ZSCAN31: variants seen among roughly 807,000 people sequenced by gnomAD.
The protein encoded by ZSCAN31 is zinc finger and SCAN domain containing 31, also known as zinc finger and SCAN domain-containing protein 31.
Under a neutral mutation model 22.5 loss-of-function variants are expected in ZSCAN31, and 14 were observed. That is an observed-to-expected ratio of 0.62 (90% confidence interval 0.41 to 0.97). The LOEUF (loss-of-function observed/expected upper bound fraction) is 0.97, where lower values mean the gene tolerates loss of function less well. Ranked by LOEUF, ZSCAN31 falls within the 50% of genes least tolerant of loss-of-function variation. The pLI is 0.00. For missense variants in ZSCAN31, 424 were observed against 483.4 expected, an observed-to-expected ratio of 0.88 and a Z score of 1.15; for synonymous variants, 168 against 169.8, an observed-to-expected ratio of 0.99 and a Z score of 0.08.
rs545597879 is a variant in ZSCAN31 at position 28,333,642 on chromosome 6, G to C, written c.-96+2440C>G. 6.6e-6 allele frequency among the ~76,000 whole-genome samples: 1 copy of C among 152,114 alleles called. No individual in the cohort carries two copies. The highest frequency in any genetic ancestry group is 1.5e-5 in the Non-Finnish European group (1 of 68,012). On this transcript the variant is annotated intron_variant, in intron 1 of 3. Transcript: ENST00000344279. The surrounding 1 kb of genome is among the most constrained non-coding windows in gnomAD (Gnocchi z 4.1). ...AGTGAGCCATACAGAATAGGGATGA[G>C]GGAGGGGAAGAGCACTCTGGACTAT...
At position 28,325,651 on chromosome 6, in the gene ZSCAN31, T is replaced by C. The variant is rs1763208720; in HGVS notation, c.*515A>G. 6.5e-6 allele frequency: 1 copy of C among 152,872 alleles called. No homozygotes were observed. Among genetic ancestry groups the C allele is most frequent in the South Asian group, 2.1e-4 (1 of 4,870 alleles). 9.5% of individuals were successfully genotyped at this position (152,872 alleles called of 1,614,324 possible). On this transcript the variant is annotated 3_prime_UTR_variant, in exon 4 of 4. Coordinates refer to ENST00000344279, the MANE Select transcript of ZSCAN31 (RefSeq NM_030899.5). ...CCATAGCAATGATTTCCTGTGGGAATGTGGACGATTCTTATTCCCCAAAAC... is the reference window on the plus strand; with the variant it reads ...CCATAGCAATGATTTCCTGTGGGAACGTGGACGATTCTTATTCCCCAAAAC...
chr6:28,342,023 G>C (rs1394663974), intron 2 of ZSCAN31, among the ~76,000 whole-genome samples: 1 of 152,144 alleles, frequency 6.6e-6, no homozygotes, highest in Non-Finnish European at 1.5e-5. Context: ...GAGGACCACA[G>C]ATGCATTGGA....
intron 1 of ZSCAN31, chr6:28,335,219 A>G (rs1379567624): frequency 6.6e-6 from 1 of 152,244 alleles, no homozygotes; most frequent in Non-Finnish European, 1.5e-5. Context: ...CACATAACAT[A>G]AAACTAAGCC....
chr6:28,334,937 G>A (rs1764025146), intron 1 of ZSCAN31, among the ~76,000 whole-genome samples: 1 of 152,086 alleles, frequency 6.6e-6, no homozygotes, highest in South Asian at 2.1e-4. Context: ...TTATGAGGTT[G>A]GTGGTTTTTA....
chr6:28,344,402 C>T (rs748449215), intron 2 of ZSCAN31, among the ~76,000 whole-genome samples: 1 of 152,096 alleles, frequency 6.6e-6, no homozygotes. Flanking sequence ...GTGGTATGTT[C>T]AGCACTGGAC....
upstream of ZSCAN31, among the ~76,000 whole-genome samples, chr6:28,355,057 G>C (rs1408082230): frequency 1.3e-5 from 2 of 152,192 alleles, no homozygotes; most frequent in African/African-American, 4.8e-5. Context: ...TAGCACCCTG[G>C]CTAGACCTAT....
chr6:28,338,656 TATCACAAACAAA>T (rs1764294811), upstream of ZSCAN31, among the ~76,000 whole-genome samples: 10 of 152,220 alleles, frequency 6.6e-5, no homozygotes, highest in South Asian at 2.1e-3. Flanking sequence ...GTCTTCCAAA[TATCACAAACAAA>T]AATCAGAAAA....
In ZSCAN31 at chr6:28,333,360, T is replaced by C. The variant is rs2113819813; in HGVS notation, c.-96+2722A>G. 6.6e-6 allele frequency among the ~76,000 whole-genome samples: 1 copy of C among 152,338 alleles called. No homozygotes were observed. On this transcript the variant is annotated intron_variant, in intron 1 of 3. Transcript: ENST00000344279. This position sits in a 1 kb window ranked among gnomAD's most constrained non-coding sequence, Gnocchi z 4.1. ...ACTCATAACATACCAGGTACTTGGC[T>C]GGGCATTAGGGCTACAATGGTGAAA...
rs926170846 is a variant in ZSCAN31 at position 28,347,142 on chromosome 6, CTT to C, written c.-370-5352_-370-5351del. 6.6e-6 allele frequency among the ~76,000 whole-genome samples: 1 copy of C among 152,204 alleles called. No individual in the cohort carries two copies. The highest frequency in any genetic ancestry group is 2.4e-5 in the African/African-American group (1 of 41,454). ...CCTGAGAGGATCAGCTGGAGCCTCTCTTGTAACTGCACCACAGTTCAACTACT... is the reference window on the plus strand; with the variant it reads ...CCTGAGAGGATCAGCTGGAGCCTCTCGTAACTGCACCACAGTTCAACTACT... On this transcript the variant is annotated intron_variant, in intron 2 of 7. Transcript: ENST00000396838. The surrounding 1 kb of genome is among the most constrained non-coding windows in gnomAD (Gnocchi z 5.2).
intron 2 of ZSCAN31, among the ~76,000 whole-genome samples, chr6:28,346,380 A>C (rs1356573452): frequency 1.8e-5 from 2 of 108,794 alleles, no homozygotes; most frequent in Non-Finnish European, 1.7e-5. Flanking sequence ...ACTGAGTCTC[A>C]CTCTCTGTCT....
upstream of ZSCAN31, chr6:28,356,198 T>G (rs929821917): frequency 1.3e-5 from 2 of 152,238 alleles, no homozygotes; most frequent in African/African-American, 4.8e-5. Flanking sequence ...CAGGAAAGAC[T>G]TTACATTTCT....
chr6:28,353,158 G>A (rs1012681509), intron 2 of ZSCAN31, among the ~76,000 whole-genome samples: 14 of 151,806 alleles, frequency 9.2e-5, no homozygotes, highest in Admixed American at 6.6e-4. Context: ...TAGTAGAGAC[G>A]GGGTTTCACC....
chr6:28,354,109 T>C, intron 1 of ZSCAN31: 1 of 365,974 alleles, frequency 2.7e-6, no homozygotes, highest in Non-Finnish European at 5.4e-6. Context: ...CTCCTTGGCA[T>C]GCTTGTTAAT....
upstream of ZSCAN31, among the ~76,000 whole-genome samples, chr6:28,340,892 AGGG>A (rs1448512623): frequency 6.6e-6 from 1 of 151,862 alleles, no homozygotes; most frequent in Admixed American, 6.6e-5. Flanking sequence ...GTTTTTCTTT[AGGG>A]TTTGGTTTTG....
chr6:28,336,790 C>T (rs1002602466), upstream of ZSCAN31: 2 of 152,188 alleles, frequency 1.3e-5, no homozygotes, highest in African/African-American at 4.8e-5. Flanking sequence ...TAATACTTAC[C>T]TATTCTTCCC....
At chr6:28,343,326 C>T (rs1165797051) in intron 2 of ZSCAN31, among the ~76,000 whole-genome samples, 2 of 151,922 alleles carry the variant, frequency 1.3e-5, no homozygotes, top group African/African-American at 4.8e-5. Context: ...TTTTTTGCAT[C>T]CCAATGGGAG....
chr6:28,346,904 C>A (rs1212228150), intron 2 of ZSCAN31, among the ~76,000 whole-genome samples: 1 of 152,112 alleles, frequency 6.6e-6, no homozygotes, highest in Non-Finnish European at 1.5e-5. Flanking sequence ...TATAAATTTC[C>A]TCAGAAAGAA....
At position 28,326,735 on chromosome 6, in the gene ZSCAN31, C is replaced by G. The variant is rs1561905029; in HGVS notation, c.652G>C (p.Glu218Gln). The part of the protein sequence containing the change: ...RDVSLDSKYR[E>Q]TCKRDSKAEK... ...GCCTTGCTGTCTCGTTTACAAGTTT[C>G]TCTGTACTTAGAATCCAAAGATACA... The change falls in exon 4 of 4, where the codon GAA (glutamate) becomes CAA (glutamine). Residue 218 changes from glutamate (E) to glutamine (Q), a missense_variant. Glu to Gln is a conservative substitution (Grantham distance 29, BLOSUM62 2). Transcript: ENST00000344279. 1 of 1,614,108 alleles carries G rather than the reference C, an allele frequency of 6.2e-7. No homozygotes were observed. The highest frequency in any genetic ancestry group is 8.5e-7 in the Non-Finnish European group (1 of 1,180,038).
upstream of ZSCAN31, among the ~76,000 whole-genome samples, chr6:28,340,669 G>A (rs2159275): frequency 0.1 from 15,149 of 152,186 alleles, 1,116 homozygotes; most frequent in East Asian, 0.31. Flanking sequence ...CCCATCTTTT[G>A]TAGTATTCTT....
Sources: allele counts gnomAD v4.1 joint callset (sites outside exome capture counted in the v4.1 genomes callset), GRCh38; gene constraint gnomAD v4.1.1; non-coding constraint Gnocchi (gnomAD v3.1); transcripts MANE v1.5; gene names NCBI Gene and HGNC (gene_info 2026-07-23, HGNC 2026-07-21).